Variants in DENND6B observed in about 807,000 individuals in gnomAD.
DENND6B encodes the protein protein DENND6B.
DENND6B carries 73 observed loss-of-function variants against 85.1 expected under a neutral mutation model. That is an observed-to-expected ratio of 0.86 (90% CI 0.71 to 1.04). The LOEUF (loss-of-function observed/expected upper bound fraction) is 1.04, where lower values mean the gene tolerates loss of function less well. Ranked by LOEUF, DENND6B falls within the 50% of genes least tolerant of loss-of-function variation. DENND6B has a pLI of 0.00. For synonymous variants in DENND6B, 357 were observed against 329.3 expected (o/e 1.08, Z -0.91); for missense variants, 715 against 785.8 (o/e 0.91, Z 1.08).
chr22:50,326,284 A>G (rs1340146328), intron 1 of DENND6B, among the ~76,000 whole-genome samples: 1 of 152,244 alleles, frequency 6.6e-6, no homozygotes, highest in Non-Finnish European at 1.5e-5. Context: ...ATCTGATGCT[A>G]GGTGAACAAG....
At position 50,313,784 on chromosome 22, in the gene DENND6B, T is replaced by C. The variant is rs115390758; in HGVS notation, c.1203+30A>G. The C allele has an allele frequency of 3.1e-3, 4,938 of 1,610,070 alleles. 132 individuals carry two copies. The African/African-American group carries it at 0.057, about 18-fold the overall frequency. ...TTCACACCACACCAGGCTCCCTGCG[T>C]CCCCAGCCCCTGCCCCACAAACCAT... On this transcript the variant is annotated intron_variant, in intron 14 of 19. Coordinates refer to ENST00000413817, the MANE Select transcript of DENND6B (RefSeq NM_001001794.4).
At chr22:50,317,248 C>G (rs1198398885) in intron 5 of DENND6B, 45 bp downstream of exon 5, 2 of 1,606,990 alleles carry the variant, frequency 1.2e-6, no homozygotes, top group African/African-American at 2.7e-5. Context: ...CCTGCCAGCT[C>G]CTGCCGCTCT....
Position 50,313,474 on chromosome 22 carries a change from G to A in DENND6B, c.1319C>T (p.Pro440Leu), listed in dbSNP as rs1406600939. The A allele has an allele frequency of 1.3e-6, 2 of 1,552,910 alleles. No individual in the cohort carries two copies. The highest frequency in any genetic ancestry group is 1.7e-6 in the Non-Finnish European group (2 of 1,149,198). ...CCAGGGCGTGATGCTCTTCTGCAGG[G>A]GCATGAGGCTGGCCATGTAGTGCTC... The part of the protein sequence containing the change: ...PLEHYMASLM[P>L]LQKSITPWKT... The change falls in exon 16 of 20, where the codon CCC becomes CTC. Residue 440 changes from proline to leucine, a missense_variant. Physicochemically the swap from Pro to Leu is moderately conservative, Grantham distance 98. Transcript: ENST00000413817.
At chr22:50,324,461 G>T (rs553684903) in intron 1 of DENND6B, among the ~76,000 whole-genome samples, 1 of 152,336 alleles carries the variant, frequency 6.6e-6, no homozygotes, top group South Asian at 2.1e-4. Flanking sequence ...TTTCACTCTT[G>T]TTGCCCAGGC....
intron 9 of DENND6B, 145 bp from the exon 10 acceptor site, chr22:50,315,066 G>A (rs1413679955): frequency 8.3e-7 from 1 of 1,205,716 alleles, no homozygotes; most frequent in South Asian, 1.5e-5. Flanking sequence ...TCTATCTGAA[G>A]ATGTGTCTCG....
At chr22:50,322,937 G>A (rs933237911) in intron 1 of DENND6B, among the ~76,000 whole-genome samples, 12 of 145,432 alleles carry the variant, frequency 8.3e-5, no homozygotes, top group Admixed American at 4.9e-4. Flanking sequence ...TGCCAACTCC[G>A]CCTCCTGGGT....
chr22:50,324,582 G>A (rs181494976), intron 1 of DENND6B, among the ~76,000 whole-genome samples: 1 of 152,226 alleles, frequency 6.6e-6, no homozygotes, highest in Admixed American at 6.5e-5. Flanking sequence ...GCGCCACCAC[G>A]CCCGGCTAAT....
At chr22:50,317,213 T>A in intron 5 of DENND6B, 80 bp downstream of exon 5, 1 of 1,517,686 alleles carries the variant, frequency 6.6e-7, no homozygotes, top group South Asian at 1.2e-5. Flanking sequence ...TCAGGCCCCT[T>A]GCCCGCCCAC....
At chr22:50,319,590 CCCGCCAAGCCAGAGGGCCCCTCACCT>C in intron 1 of DENND6B, 1 of 904,836 alleles carries the variant, frequency 1.1e-6, no homozygotes, top group Non-Finnish European at 1.3e-6. Flanking sequence ...TCCCTCACCA[CCCGCCAAGCCAGAGGGCCCCTCACCT>C]GGGATGGTCA....
At position 50,314,620 on chromosome 22, in the gene DENND6B, G is replaced by C; in HGVS notation, c.962C>G (p.Thr321Arg). The change falls in exon 11 of 20, where the codon ACA becomes AGA. Residue 321 changes from threonine to arginine, a missense_variant. Thr to Arg is a moderately conservative substitution (Grantham distance 71). Transcript: ENST00000413817. ...IHDSEFKEFT[T>R]RTQAPPNVVL... ...CGGCACTTACGGGGCCTGCGTGCGT[G>C]TGGTGAACTCCTTGAACTCGCTGTC... 6.4e-7 allele frequency: 1 copy of C among 1,564,430 alleles called. No homozygotes were observed. Among genetic ancestry groups the C allele is most frequent in the Non-Finnish European group, 8.7e-7 (1 of 1,154,894 alleles).
chr22:50,318,423 C>A (rs2041926658), intron 3 of DENND6B, among the ~76,000 whole-genome samples: 1 of 152,314 alleles, frequency 6.6e-6, no homozygotes, highest in East Asian at 1.9e-4. Flanking sequence ...TTCTGTACAC[C>A]CTGCACCTAC....
chr22:50,313,321 C>A, intron 16 of DENND6B, 125 bp downstream of exon 16: 1 of 1,347,540 alleles, frequency 7.4e-7, no homozygotes, highest in Non-Finnish European at 1.0e-6. Flanking sequence ...GTTTCACAAA[C>A]ATGATGGCCT....
At chr22:50,324,913 T>C (rs62241243) in intron 1 of DENND6B, among the ~76,000 whole-genome samples, 69,179 of 152,052 alleles carry the variant, frequency 0.45, 16,221 homozygotes, top group South Asian at 0.62. Context: ...CTTCCTTCCA[T>C]ATCGCAGAAC....
Position 50,310,877 on chromosome 22 carries a change from G to A in DENND6B, c.*1262C>T, listed in dbSNP as rs1346669007. ...GAGAATGGCGTGAACCCGGGAGGCAGAGCTTGCAGTGAGCCGAGATCATGC... is the reference window on the plus strand; with the variant it reads ...GAGAATGGCGTGAACCCGGGAGGCAAAGCTTGCAGTGAGCCGAGATCATGC... On this transcript the variant is annotated 3_prime_UTR_variant, in exon 20 of 20. Transcript: ENST00000413817. The A allele has an allele frequency of 1.3e-5, 2 of 152,124 alleles. No individual in the cohort carries two copies. The highest frequency in any genetic ancestry group is 2.9e-5 in the Non-Finnish European group (2 of 68,014). The allele number at this position is 152,124 out of a possible 1,614,324, so 9.4% of individuals were successfully genotyped here.
chr22:50,323,621 T>C (rs1303527322), intron 1 of DENND6B, among the ~76,000 whole-genome samples: 4 of 151,760 alleles, frequency 2.6e-5, no homozygotes, highest in Non-Finnish European at 5.9e-5. Flanking sequence ...TGGGTTTTGC[T>C]ATATTGACCA....
chr22:50,313,859 C>T lies in DENND6B; in HGVS notation c.1158G>A (p.Thr386=), dbSNP rs374624422. The part of the protein sequence containing the change: ...DTKPGLYTAY[T]AHLHRDKALL... ...GCGCCTTGTCGCGGTGGAGGTGGGC[C>T]GTGTAAGCGGTGTAGAGGCCTGGCG... The change falls in exon 14 of 20, where the codon ACG becomes ACA. Residue 386 remains threonine (T), a synonymous_variant. Transcript: ENST00000413817. The T allele has an allele frequency of 9.9e-5, 159 of 1,611,326 alleles. No homozygotes were observed. In the African/African-American group the frequency reaches 1.5e-3, roughly 15 times the overall value.
chr22:50,314,945 G>C, intron 9 of DENND6B, 24 bp from the exon 10 acceptor site: 2 of 1,606,246 alleles, frequency 1.2e-6, no homozygotes, highest in Non-Finnish European at 1.7e-6. Flanking sequence ...GGAAGGTCGG[G>C]GAGGTCAGGC....
rs758143540 is a variant in DENND6B at position 50,314,491 on chromosome 22, T to C, written c.981A>G (p.Pro327=). The C allele has an allele frequency of 6.4e-6, 10 of 1,558,722 alleles. No individual in the cohort carries two copies. In the East Asian group the frequency reaches 2.4e-4, roughly 37 times the overall value. The part of the protein sequence containing the change: ...KEFTTRTQAP[P]NVVLGVTNPF... Reference sequence around the variant, plus strand: ...GGTTTGTGACTCCCAGGACCACGTTTGGTCTAGACAGACAGAGAGAGAGAA... The same window carrying C: ...GGTTTGTGACTCCCAGGACCACGTTCGGTCTAGACAGACAGAGAGAGAGAA... The change falls in exon 12 of 20, where the codon CCA becomes CCG. Residue 327 remains proline (P), a synonymous_variant. Coordinates refer to ENST00000413817, the MANE Select transcript of DENND6B (RefSeq NM_001001794.4).
At chr22:50,314,017 C>T in intron 13 of DENND6B, 139 bp from the exon 14 acceptor site, 2 of 1,308,438 alleles carry the variant, frequency 1.5e-6, no homozygotes, top group South Asian at 1.5e-5. Flanking sequence ...ATCTCACCCA[C>T]CCACCCCCCA....
Sources: gnomAD v4.1 joint callset for allele counts (sites outside exome capture counted in the v4.1 genomes callset) on GRCh38, gnomAD v4.1.1 for gene constraint, MANE v1.5 for transcripts, NCBI Gene and HGNC (gene_info 2026-07-23, HGNC 2026-07-21) for gene names.